Variants in SF3B3 observed in about 807,000 individuals in gnomAD.
The protein encoded by SF3B3 is splicing factor 3b subunit 3, also known as SAP 130.
In SF3B3, 33 loss-of-function variants were observed where a neutral mutation model predicts 139.2. The observed-to-expected ratio is 0.24, with a 90% CI of 0.18 to 0.32. The LOEUF (loss-of-function observed/expected upper bound fraction) is 0.32. Among genes scored for constraint, SF3B3 ranks in the 10% least tolerant of loss-of-function variants. The pLI, the probability that SF3B3 is intolerant of heterozygous loss-of-function variation, is 1.00. For synonymous variants in SF3B3, 596 were observed against 563.6 expected, an observed-to-expected ratio of 1.06 and a Z score of -0.81; for missense variants, 818 against 1,509.4, an observed-to-expected ratio of 0.54 and a Z score of 7.59.
At chr16:70,535,258 A>G in intron 5 of SF3B3, 50 bp from the exon 6 acceptor site, 1 of 910,962 alleles carries the variant, frequency 1.1e-6, no homozygotes, top group Non-Finnish European at 1.7e-6. Flanking sequence ...AAAGCTGAAG[A>G]AATTCATGTC....
chr16:70,561,497 G>A (rs2050428595), intron 16 of SF3B3, 133 bp from the exon 17 acceptor site: 1 of 748,852 alleles, frequency 1.3e-6, no homozygotes, highest in Non-Finnish European at 2.2e-6. Flanking sequence ...TCTTAAGATA[G>A]CCTGTTATAT....
chr16:70,532,745 T>G, intron 5 of SF3B3, 125 bp downstream of exon 5: 1 of 943,532 alleles, frequency 1.1e-6, no homozygotes, highest in African/African-American at 1.6e-5. Flanking sequence ...ACCTTATCTT[T>G]TGGACAGGTT....
In SF3B3 at chr16:70,556,322, C is replaced by T; in HGVS notation, c.1854C>T (p.Ser618=). ...TGGACAACACTGTCAGAATCATCTCCCTGGATCCCTCAGTGAGTGACACTC... is the reference window on the plus strand; with the variant it reads ...TGGACAACACTGTCAGAATCATCTCTCTGGATCCCTCAGTGAGTGACACTC... ...GLVDNTVRII[S]LDPSDCLQPL... is the part of the protein sequence containing the mutation. The change falls in exon 14 of 26, where the codon TCC becomes TCT. Residue 618 remains serine (S), a synonymous_variant. Transcript: ENST00000302516. 9 of 1,614,158 alleles carry T rather than the reference C, an allele frequency of 5.6e-6. No individual in the cohort carries two copies. Among genetic ancestry groups the T allele is most frequent in the Non-Finnish European group, 7.6e-6 (9 of 1,180,024 alleles).
chr16:70,543,414 AG>A lies in SF3B3; in HGVS notation c.1234-1023del, dbSNP rs1223741486. On this transcript the variant is annotated intron_variant, in intron 9 of 25. Coordinates refer to ENST00000302516, the MANE Select transcript of SF3B3 (RefSeq NM_012426.5). ...AACGAGCGAAACCCCGTCTCAAAAA[AG>A]AAAAAAAAAAGGCCGGTCACGATGG... Among the ~76,000 whole-genome samples, 26 of 149,242 alleles carry A rather than the reference AG, an allele frequency of 1.7e-4. No homozygotes were observed. In the East Asian group the frequency reaches 3.8e-3, roughly 22 times the overall value.
rs1319153048 is a variant in SF3B3 at position 70,565,407 on chromosome 16, G to T, written c.2709G>T (p.Trp903Cys). 7 of 1,614,186 alleles carry T rather than the reference G, an allele frequency of 4.3e-6. No individual in the cohort carries two copies. Among genetic ancestry groups the T allele is most frequent in the Non-Finnish European group, 5.9e-6 (7 of 1,180,028 alleles). Residue 903 changes from tryptophan (W) to cysteine (C), a missense_variant, in exon 20 of 26, where the codon TGG (tryptophan) becomes TGT (cysteine). Physicochemically the swap from Trp to Cys is radical, Grantham distance 215. This residue lies in a region of SF3B3 where 145 missense variants were observed against 153.6 expected (regional missense o/e 0.94). Coordinates refer to ENST00000302516, the MANE Select transcript of SF3B3 (RefSeq NM_012426.5). ...VCRFSNTGED[W>C]YVLVGVAKDL... Reference sequence around the variant, plus strand: ...GGTTTTCCAACACTGGTGAAGACTGGTATGTGCTGGTGGGTGTGGCCAAGG... The same window carrying T: ...GGTTTTCCAACACTGGTGAAGACTGTTATGTGCTGGTGGGTGTGGCCAAGG...
At chr16:70,568,525 G>C (rs1389718535) in intron 22 of SF3B3, 30 bp downstream of exon 22, 1 of 1,566,068 alleles carries the variant, frequency 6.4e-7, no homozygotes, top group Non-Finnish European at 8.8e-7. Flanking sequence ...TTGGGTTACA[G>C]TGATGTGTAG....
intron 12 of SF3B3, 85 bp downstream of exon 12, chr16:70,554,682 C>G: frequency 7.2e-7 from 1 of 1,380,154 alleles, no homozygotes; most frequent in Non-Finnish European, 1.0e-6. Context: ...GTTCATGTCT[C>G]TTCACCCTCA....
intron 3 of SF3B3, 28 bp downstream of exon 3, chr16:70,529,227 A>G: frequency 6.4e-7 from 1 of 1,572,172 alleles, no homozygotes; most frequent in Non-Finnish European, 8.7e-7. Flanking sequence ...CTTGCTGTAT[A>G]TGCCTAGTTT....
Position 70,567,355 on chromosome 16 carries a change from A to G in SF3B3, c.2827-56A>G, listed in dbSNP as rs75528998. On this transcript the variant is annotated intron_variant, in intron 20 of 25. Coordinates refer to ENST00000302516, the MANE Select transcript of SF3B3 (RefSeq NM_012426.5). ...GTAGGCATTTCTGGGCAGAGAGGTG[A>G]GGCCTGTGTCTGGCTGGCATTTATA... The G allele has an allele frequency of 6.0e-3, 9,339 of 1,564,314 alleles. 524 individuals are homozygous for G. In the African/African-American group the frequency reaches 0.11, roughly 19 times the overall value.
chr16:70,552,966 A>C lies in SF3B3; in HGVS notation c.1403-1480A>C, dbSNP rs964631579. ...CATTCTGTCACCCAGATTGGAGTGCAGTGGGGCGATCTCGGCTCACTGCGG... is the reference window on the plus strand; with the variant it reads ...CATTCTGTCACCCAGATTGGAGTGCCGTGGGGCGATCTCGGCTCACTGCGG... On this transcript the variant is annotated intron_variant, in intron 11 of 25. Transcript: ENST00000302516. Among the ~76,000 whole-genome samples, 24 of 152,186 alleles carry C rather than the reference A, an allele frequency of 1.6e-4. 1 individual carries two copies. The highest frequency in any genetic ancestry group is 5.8e-4 in the African/African-American group (24 of 41,438).
chr16:70,560,427 A>T (rs1387528892), intron 15 of SF3B3, 42 bp from the exon 16 acceptor site: 1 of 1,603,480 alleles, frequency 6.2e-7, no homozygotes, highest in Non-Finnish European at 8.5e-7. Flanking sequence ...CATAGCTGAT[A>T]AGCTTCCATC....
At chr16:70,554,737 A>C in intron 12 of SF3B3, 140 bp downstream of exon 12, 1 of 818,114 alleles carries the variant, frequency 1.2e-6, no homozygotes, top group East Asian at 2.7e-5. Context: ...ATTTGGGCAC[A>C]TAATATCCCT....
Position 70,548,352 on chromosome 16 carries a change from T to C in SF3B3, c.1330-18T>C, listed in dbSNP as rs1430354124. The C allele has an allele frequency of 1.2e-6, 2 of 1,611,726 alleles. No individual in the cohort carries two copies. The highest frequency in any genetic ancestry group is 4.5e-5 in the East Asian group (2 of 44,896). ...TTGCATGCTCACTGGATCTGTGGCT[T>C]CCCTCTTCTCCTGTCAGGTGTCAGA... On this transcript the variant is annotated intron_variant, in intron 10 of 25. Coordinates refer to ENST00000302516, the MANE Select transcript of SF3B3 (RefSeq NM_012426.5).
intron 3 of SF3B3, 34 bp from the exon 4 acceptor site, chr16:70,530,711 G>T (rs2050113519): frequency 1.3e-6 from 2 of 1,563,816 alleles, no homozygotes; most frequent in African/African-American, 2.7e-5. Flanking sequence ...TCATTATCTG[G>T]GAATCTTGTA....
intron 24 of SF3B3, among the ~76,000 whole-genome samples, chr16:70,570,524 G>A (rs1396998197): frequency 6.6e-6 from 1 of 152,076 alleles, no homozygotes; most frequent in African/African-American, 2.4e-5. Flanking sequence ...TAGAGATGGG[G>A]TTTCACCGTG....
rs145902280 is a variant in SF3B3 at position 70,532,583 on chromosome 16, T to C, written c.675T>C (p.Ser225=). 1.9e-6 allele frequency: 3 copies of C among 1,614,164 alleles called. No homozygotes were observed. The highest frequency in any genetic ancestry group is 2.5e-6 in the Non-Finnish European group (3 of 1,180,018). Reference sequence around the variant, plus strand: ...TAAATCATGTGGTCCGAAAATACAGTGAACCTTTGGAGGAACACGGCAACT... The same window carrying C: ...TAAATCATGTGGTCCGAAAATACAGCGAACCTTTGGAGGAACACGGCAACT... The part of the protein sequence containing the change: ...LGLNHVVRKY[S]EPLEEHGNFL... Residue 225 remains serine, a synonymous_variant, in exon 5 of 26, where the codon AGT becomes AGC. Transcript: ENST00000302516.
At chr16:70,527,245 A>G (rs1396265602) in intron 2 of SF3B3, among the ~76,000 whole-genome samples, 1 of 152,244 alleles carries the variant, frequency 6.6e-6, no homozygotes, top group Non-Finnish European at 1.5e-5. Flanking sequence ...TGTGGGGAAT[A>G]TTTTTGTAAA....
intron 15 of SF3B3, among the ~76,000 whole-genome samples, chr16:70,558,625 C>T (rs1004407512): frequency 7.9e-5 from 12 of 152,240 alleles, no homozygotes; most frequent in Non-Finnish European, 1.8e-4. Flanking sequence ...GACACAGAGT[C>T]TTGCTCTGTT....
rs1249173435 is a variant in SF3B3 at position 70,565,205 on chromosome 16, G to A, written c.2604G>A (p.Val868=). The change falls in exon 19 of 26, where the codon GTG becomes GTA. Residue 868 remains valine (V), a synonymous_variant. Coordinates refer to ENST00000302516, the MANE Select transcript of SF3B3 (RefSeq NM_012426.5). ...GNGQWASVIR[V]MNPIQGNTLD... ...GGCAGTGGGCCTCTGTGATCCGAGT[G>A]ATGAATCCCATTCAAGGGAACACAC... The A allele has an allele frequency of 1.2e-6, 2 of 1,614,076 alleles. No individual in the cohort carries two copies. The highest frequency in any genetic ancestry group is 2.7e-5 in the African/African-American group (2 of 74,928).
Sources: allele counts gnomAD v4.1 joint callset (sites outside exome capture counted in the v4.1 genomes callset), GRCh38; gene constraint gnomAD v4.1.1; regional missense constraint gnomAD v4.1.1; transcripts MANE v1.5; gene names NCBI Gene and HGNC (gene_info 2026-07-23, HGNC 2026-07-21).